BBOF1: variants seen among roughly 807,000 people sequenced by gnomAD.
BBOF1 encodes the protein basal body orientation factor 1, also known as basal body-orientation factor 1.
BBOF1 carries 62 observed loss-of-function variants against 68.0 expected under a neutral mutation model. That is an observed-to-expected ratio of 0.91 (90% CI 0.74 to 1.13). The LOEUF (loss-of-function observed/expected upper bound fraction) is 1.13. BBOF1 is among the 50% of genes most tolerant of loss of function. BBOF1 has a pLI of 0.00. For missense variants in BBOF1, 534 were observed against 600.1 expected, an observed-to-expected ratio of 0.89 and a Z score of 1.15; for synonymous variants, 208 against 198.8, an observed-to-expected ratio of 1.05 and a Z score of -0.39.
chr14:74,069,103 T>TTTC (rs879156715), downstream of BBOF1: 6 of 518,864 alleles, frequency 1.2e-5, 1 homozygote, highest in South Asian at 2.3e-4. Flanking sequence ...TACTTTTTCT[T>TTTC]TTTTTTTTTT....
At chr14:74,072,150 A>T in intron 9 of BBOF1, 1 of 1,613,240 alleles carries the variant, frequency 6.2e-7, no homozygotes, top group Non-Finnish European at 8.5e-7. Context: ...TGTGAGAGTG[A>T]CAAACATGCC....
In BBOF1 at chr14:74,082,739, C is replaced by T. The variant is rs566461024; in HGVS notation, n.1640-49C>T. Reference sequence around the variant, plus strand: ...TATCGAACTTTTAATCAAAGATTCACGTTACAACTCCTAGTTGGCTGAGGA... The same window carrying T: ...TATCGAACTTTTAATCAAAGATTCATGTTACAACTCCTAGTTGGCTGAGGA... On this transcript the variant is annotated intron_variant and non_coding_transcript_variant, in intron 12 of 12. Coordinates refer to the BBOF1 transcript ENST00000492026. The T allele has an allele frequency of 5.3e-5, 8 of 151,992 alleles. No individual in the cohort carries two copies. In the South Asian group the frequency reaches 6.2e-4, roughly 12 times the overall value. 9.4% of individuals were successfully genotyped at this position (151,992 alleles called of 1,614,324 possible).
At chr14:74,074,842 A>C in intron 9 of BBOF1, 3 of 1,132,938 alleles carry the variant, frequency 2.6e-6, no homozygotes, top group South Asian at 2.7e-5. Context: ...AAGGAGGAAA[A>C]AACTAGAAAG....
chr14:74,043,882 C>T (rs2059891217), intron 5 of BBOF1, among the ~76,000 whole-genome samples: 1 of 152,014 alleles, frequency 6.6e-6, no homozygotes, highest in African/African-American at 2.4e-5. Context: ...GAATGCTGTT[C>T]CTCCAGCTCT....
chr14:74,021,377 G>A (rs1012549479), intron 1 of BBOF1, among the ~76,000 whole-genome samples: 3 of 152,018 alleles, frequency 2.0e-5, no homozygotes, highest in African/African-American at 7.3e-5. Flanking sequence ...CTTGAGCCCA[G>A]GAGTTCAAGA....
At chr14:74,053,944 G>A (rs767315668) in intron 8 of BBOF1, among the ~76,000 whole-genome samples, 5 of 151,550 alleles carry the variant, frequency 3.3e-5, no homozygotes, top group Admixed American at 6.6e-5. Flanking sequence ...GCACAATCTC[G>A]GCTCACTGCA....
At chr14:74,043,475 G>A (rs568107277) in intron 5 of BBOF1, among the ~76,000 whole-genome samples, 65 of 143,262 alleles carry the variant, frequency 4.5e-4, no homozygotes, top group Middle Eastern at 3.6e-3. Context: ...GCGTGAACCC[G>A]GGAAGCGGAG....
intron 5 of BBOF1, among the ~76,000 whole-genome samples, chr14:74,042,792 A>T (rs1595057088): frequency 6.6e-6 from 1 of 151,960 alleles, no homozygotes; most frequent in Non-Finnish European, 1.5e-5. Context: ...TGGATGACAG[A>T]GTAAGACCCT....
rs1342884736 is a variant in BBOF1, at chr14:74,050,159, A to G, written c.1250A>G (p.Asn417Ser). The G allele has an allele frequency of 6.3e-7, 1 of 1,577,790 alleles. No homozygotes were observed. The change falls in exon 8 of 12, where the codon AAT (asparagine) becomes AGT (serine). Residue 417 changes from asparagine (N) to serine (S), a missense_variant. Transcript: ENST00000394009. ...RTFDGREHST[N>S]SVNQDLLEAE... ...TTTGATGGCAGAGAGCACAGCACCA[A>G]TAGTGTGAATCAGGATCTTCTGGAG...
intron 1 of BBOF1, among the ~76,000 whole-genome samples, chr14:74,019,767 A>T (rs77815188): frequency 0.026 from 4,030 of 152,316 alleles, 154 homozygotes; most frequent in African/African-American, 0.091. Flanking sequence ...CTTTTCAGAG[A>T]TCTCTTTTGG....
chr14:74,050,942 C>T (rs1207980919), intron 8 of BBOF1, among the ~76,000 whole-genome samples: 4 of 151,822 alleles, frequency 2.6e-5, no homozygotes, highest in Non-Finnish European at 5.9e-5. Context: ...AACCCTGTCC[C>T]ACTAAAAATA....
At chr14:74,051,819 T>A (rs2060073211) in intron 8 of BBOF1, among the ~76,000 whole-genome samples, 1 of 151,718 alleles carries the variant, frequency 6.6e-6, no homozygotes, top group Non-Finnish European at 1.5e-5. Context: ...TGGGCTCAAG[T>A]GATCCTCCTG....
At chr14:74,071,705 T>C (rs1037788970) in intron 9 of BBOF1, 3 of 1,477,730 alleles carry the variant, frequency 2.0e-6, no homozygotes, top group East Asian at 2.4e-5. Flanking sequence ...CACTGGAAGA[T>C]CATTTGAGTA....
intron 1 of BBOF1, 96 bp from the exon 2 acceptor site, chr14:74,022,820 A>T: frequency 6.0e-6 from 3 of 503,166 alleles, no homozygotes; most frequent in Non-Finnish European, 9.8e-6. Context: ...ATAAAAAAAG[A>T]GAAAAATTTA....
chr14:74,059,523 C>G, intron 11 of BBOF1: 1 of 351,458 alleles, frequency 2.8e-6, no homozygotes, highest in Non-Finnish European at 5.6e-6. Context: ...CGGAGAAACC[C>G]CGTCTCTACT....
At chr14:74,067,624 T>G, downstream of BBOF1, 1 of 1,583,650 alleles carries the variant, frequency 6.3e-7, no homozygotes, top group Non-Finnish European at 8.6e-7. Context: ...ACAACTAAGC[T>G]AAGAAATTAA....
downstream of BBOF1, chr14:74,066,750 A>C: frequency 6.2e-7 from 1 of 1,614,074 alleles, no homozygotes; most frequent in South Asian, 1.1e-5. Context: ...TGCCATTTTC[A>C]TAGCCTTTCA....
chr14:74,028,467 TACACACACACACACACACAC>T (rs34677110), intron 2 of BBOF1, among the ~76,000 whole-genome samples: 20 of 138,290 alleles, frequency 1.4e-4, no homozygotes, highest in South Asian at 4.7e-4. Context: ...ACTAAAGAAA[TACACACACACACACACACAC>T]ACACACACAC....
At chr14:74,027,316 A>T (rs1264620413) in intron 2 of BBOF1, among the ~76,000 whole-genome samples, 2 of 145,128 alleles carry the variant, frequency 1.4e-5, no homozygotes, top group Admixed American at 7.0e-5. Flanking sequence ...CGAACTCCTG[A>T]CCTCAGGTGA....
Sources: allele counts gnomAD v4.1 joint callset (sites outside exome capture counted in the v4.1 genomes callset), GRCh38; gene constraint gnomAD v4.1.1; transcripts MANE v1.5; gene names NCBI Gene and HGNC (gene_info 2026-07-23, HGNC 2026-07-21).